The following TTC28 variants were observed in gnomAD, a reference collection of about 807,000 sequenced individuals.
TTC28 encodes tetratricopeptide repeat protein 28.
TTC28 carries 61 observed loss-of-function variants against 198.0 expected under a neutral mutation model. That is an observed-to-expected ratio of 0.31 (90% CI 0.25 to 0.38). TTC28 has a LOEUF of 0.38. Among genes scored for constraint, TTC28 ranks in the 10% least tolerant of loss-of-function variants. The probability of loss-of-function intolerance (pLI) is 1.00; values close to 1 mark genes in which losing one functional copy is unlikely to be tolerated. For missense variants in TTC28, 2,678 were observed against 3,164.0 expected, an observed-to-expected ratio of 0.85 and a Z score of 3.69; for synonymous variants, 1,171 against 1,297.8, an observed-to-expected ratio of 0.90 and a Z score of 2.10.
At chr22:28,631,500 C>T (rs897139317) in intron 1 of TTC28, among the ~76,000 whole-genome samples, 4 of 152,010 alleles carry the variant, frequency 2.6e-5, no homozygotes, top group South Asian at 2.1e-4. Flanking sequence ...AGGAAGCAAA[C>T]GTGTCAAGTG....
At chr22:28,103,072 G>T (rs2146886991) in intron 8 of TTC28, among the ~76,000 whole-genome samples, 1 of 152,328 alleles carries the variant, frequency 6.6e-6, no homozygotes. Flanking sequence ...ACTTTGCTTT[G>T]TTCCTGCTAT....
At chr22:28,060,669 C>T (rs1025193915) in intron 12 of TTC28, among the ~76,000 whole-genome samples, 10 of 152,218 alleles carry the variant, frequency 6.6e-5, no homozygotes, top group African/African-American at 2.4e-4. Flanking sequence ...GAGGAATCGC[C>T]ACACTGTCTT....
chr22:27,988,281 C>CTTT lies in TTC28; in HGVS notation c.5707+1594_5707+1596dup, dbSNP rs138641. Among the ~76,000 whole-genome samples the CTTT allele has an allele frequency of 8.0e-3, 798 of 99,398 alleles. 34 individuals are homozygous for CTTT. The highest frequency in any genetic ancestry group is 0.026 in the African/African-American group (652 of 24,880). 65.2% of individuals were successfully genotyped at this position (99,398 alleles called of 152,430 possible). On this transcript the variant is annotated intron_variant, in intron 21 of 22. Transcript: ENST00000397906. ...GGGACCCCGAGCGAGAAGAAGCTTG[C>CTTT]TTTTTTTTTTTTTTTTTTTTTGAGA...
chr22:28,435,943 T>G (rs1029171869), intron 2 of TTC28, among the ~76,000 whole-genome samples: 45 of 152,202 alleles, frequency 3.0e-4, no homozygotes, highest in African/African-American at 1.0e-3. Context: ...AACTGTAACT[T>G]TCCCATCTCC....
At chr22:28,395,370 AT>A (rs963401411) in intron 2 of TTC28, among the ~76,000 whole-genome samples, 3 of 151,940 alleles carry the variant, frequency 2.0e-5, no homozygotes, top group African/African-American at 7.3e-5. Context: ...ACTAGAAAAC[AT>A]TTTCCTTATA....
intron 2 of TTC28, among the ~76,000 whole-genome samples, chr22:28,437,508 C>T (rs371565519): frequency 2.6e-5 from 4 of 152,182 alleles, no homozygotes; most frequent in African/African-American, 7.2e-5. Context: ...CTTTGGAGAA[C>T]ATTTACTAGA....
rs556636269 is a variant in TTC28 at position 28,673,134 on chromosome 22, G to C, written c.102+6488C>G. On this transcript the variant is annotated intron_variant, in intron 1 of 22. Transcript: ENST00000397906. ...TCACACCTGTAATCCCAGCACTTTG[G>C]GAGGCTGAGGCGGGCGGATCACGAG... Among the ~76,000 whole-genome samples, 79 of 152,272 alleles carry C rather than the reference G, an allele frequency of 5.2e-4. No individual in the cohort carries two copies. In the South Asian group the frequency reaches 9.1e-3, roughly 18 times the overall value.
intron 2 of TTC28, among the ~76,000 whole-genome samples, chr22:28,603,114 C>T (rs1369112253): frequency 6.6e-6 from 1 of 152,020 alleles, no homozygotes; most frequent in Non-Finnish European, 1.5e-5. Context: ...CTCTTGACCT[C>T]GTGACCCACC....
At chr22:28,033,873 A>C (rs1939228280) in intron 12 of TTC28, among the ~76,000 whole-genome samples, 1 of 152,172 alleles carries the variant, frequency 6.6e-6, no homozygotes, top group Admixed American at 6.5e-5. Flanking sequence ...GGATTACTCA[A>C]AGGAGGAACA....
At chr22:28,327,091 C>T (rs1273288577) in intron 2 of TTC28, among the ~76,000 whole-genome samples, 6 of 151,624 alleles carry the variant, frequency 4.0e-5, no homozygotes, top group Admixed American at 3.9e-4. Context: ...CCAAAAAACA[C>T]TGTGGAAGAA....
Position 28,099,812 on chromosome 22 carries a change from T to C in TTC28, c.3418-768A>G, listed in dbSNP as rs915533682. ...AGGATGGGAGTGAGAACAGGTATGG[T>C]GAAGGCATCCCGGAAATGGACGAGC... On this transcript the variant is annotated intron_variant, in intron 9 of 22. Coordinates refer to ENST00000397906, the MANE Select transcript of TTC28 (RefSeq NM_001145418.2). Among the ~76,000 whole-genome samples, 24 of 152,288 alleles carry C rather than the reference T, an allele frequency of 1.6e-4. No individual in the cohort carries two copies. In the Middle Eastern group the frequency reaches 0.01, roughly 65 times the overall value.
intron 2 of TTC28, among the ~76,000 whole-genome samples, chr22:28,589,484 C>T (rs960455956): frequency 1.3e-5 from 2 of 152,118 alleles, no homozygotes; most frequent in Admixed American, 1.3e-4. Flanking sequence ...TTAAAAGGAC[C>T]CATCTGCTTT....
At chr22:28,422,710 G>T (rs139122113) in intron 2 of TTC28, among the ~76,000 whole-genome samples, 2,406 of 152,072 alleles carry the variant, frequency 0.016, 85 homozygotes, top group African/African-American at 0.056. Flanking sequence ...CTCCCAAAGT[G>T]CTGGGATTAC....
chr22:28,408,551 C>T (rs570944886), intron 2 of TTC28, among the ~76,000 whole-genome samples: 20 of 152,254 alleles, frequency 1.3e-4, no homozygotes, highest in Middle Eastern at 3.4e-3. Flanking sequence ...CCACCACACC[C>T]GGCTAATTTT....
In TTC28 at chr22:27,982,429, A is replaced by C; in HGVS notation, c.7238T>G (p.Leu2413Arg). 1 of 1,551,432 alleles carries C rather than the reference A, an allele frequency of 6.4e-7. No individual in the cohort carries two copies. Among genetic ancestry groups the C allele is most frequent in the Non-Finnish European group, 8.7e-7 (1 of 1,146,948 alleles). Residue 2413 changes from leucine to arginine, a missense_variant, in exon 23 of 23, where the codon CTG becomes CGG. Physicochemically the swap from Leu to Arg is moderately radical, Grantham distance 102. Transcript: ENST00000397906. The surrounding 1 kb of genome is among the most constrained non-coding windows in gnomAD (Gnocchi z 5.2). ...KKEEGVDKLE[L>R]KELSLQQHDG... is the part of the protein sequence containing the mutation. ...ATGCTGCTGCAGGGACAGCTCCTTC[A>C]GTTCAAGCTTATCCACTCCCTCCTC...
At chr22:28,205,161 T>C (rs1926288995) in intron 5 of TTC28, among the ~76,000 whole-genome samples, 1 of 152,100 alleles carries the variant, frequency 6.6e-6, no homozygotes, top group Admixed American at 6.6e-5. Context: ...CTAAACCTTT[T>C]AGATGAATAC....
At chr22:28,588,073 C>G (rs1316973663) in intron 2 of TTC28, among the ~76,000 whole-genome samples, 4 of 150,676 alleles carry the variant, frequency 2.7e-5, no homozygotes, top group African/African-American at 7.3e-5. Context: ...ACCCGGGAGG[C>G]AGAGCTGGAA....
At chr22:28,492,721 G>A (rs1568977817) in intron 2 of TTC28, among the ~76,000 whole-genome samples, 1 of 152,132 alleles carries the variant, frequency 6.6e-6, no homozygotes, top group Non-Finnish European at 1.5e-5. Context: ...TGAGGAGATA[G>A]GGCTAAAACT....
chr22:28,271,176 C>G (rs1932044482), intron 5 of TTC28, among the ~76,000 whole-genome samples: 1 of 151,270 alleles, frequency 6.6e-6, no homozygotes, highest in Admixed American at 6.6e-5. Flanking sequence ...TCTCAGGCAA[C>G]TCTCAACACC....
Sources: gnomAD v4.1 joint callset for allele counts (sites outside exome capture counted in the v4.1 genomes callset) on GRCh38, gnomAD v4.1.1 for gene constraint, Gnocchi (gnomAD v3.1) non-coding constraint, MANE v1.5 for transcripts, NCBI Gene and HGNC (gene_info 2026-07-23, HGNC 2026-07-21) for gene names.